NXF1: variants seen among roughly 807,000 people sequenced by gnomAD.
NXF1 encodes nuclear RNA export factor 1.
In NXF1, 43 loss-of-function variants were observed where a neutral mutation model predicts 92.4. The ratio of observed to expected loss-of-function variants is 0.47; its 90% CI spans 0.36 to 0.60. NXF1 has a LOEUF of 0.60. Among genes scored for constraint, NXF1 ranks in the 20% least tolerant of loss-of-function variants. The pLI is 0.00. For missense variants in NXF1, 576 were observed against 793.0 expected (o/e 0.73, Z 3.29); for synonymous variants, 288 against 292.2 (o/e 0.99, Z 0.15).
intron 10 of NXF1, 84 bp downstream of exon 10, chr11:62,800,293 C>T: frequency 1.3e-6 from 2 of 1,597,044 alleles, no homozygotes; most frequent in Admixed American, 3.5e-5. Flanking sequence ...CACATCTCCG[C>T]AGACGGGCCC....
chr11:62,799,125 G>T, intron 10 of NXF1: 1 of 982,630 alleles, frequency 1.0e-6, no homozygotes, highest in South Asian at 4.7e-5. Flanking sequence ...CAGGGGCAAG[G>T]GAGAGATGGG....
Position 62,802,198 on chromosome 11 carries a change from A to G in NXF1, c.432T>C (p.Ser144=). ...TTACCTCAATAGGGGTGAAGGGCAC[A>G]CTGCACTTGCTCTGAATCATGCTCA... The part of the protein sequence containing the change: ...WLLSMIQSKC[S]VPFTPIEFHY... The change falls in exon 4 of 21, where the codon AGT becomes AGC. Residue 144 remains serine, a synonymous_variant. Coordinates refer to ENST00000294172, the MANE Select transcript of NXF1 (RefSeq NM_006362.5). The G allele has an allele frequency of 1.9e-6, 3 of 1,614,200 alleles. No homozygotes were observed. The highest frequency in any genetic ancestry group is 2.5e-6 in the Non-Finnish European group (3 of 1,180,012).
rs1259557540 is a variant in NXF1 at position 62,805,334 on chromosome 11, T to C, written c.23A>G (p.Tyr8Cys). 2 of 1,611,334 alleles carry C rather than the reference T, an allele frequency of 1.2e-6. No homozygotes were observed. Among genetic ancestry groups the C allele is most frequent in the Non-Finnish European group, 1.7e-6 (2 of 1,178,844 alleles). The change falls in exon 1 of 21, where the codon TAC becomes TGC. Residue 8 changes from tyrosine (Y) to cysteine (C), a missense_variant. Physicochemically the swap from Tyr to Cys is radical, Grantham distance 194 (BLOSUM62 -2). Coordinates refer to ENST00000294172, the MANE Select transcript of NXF1 (RefSeq NM_006362.5). Reference sequence around the variant, plus strand: ...ACCCGAAGACCAGCACTTACCGCTGTACGACTTCCCCTCGTCCGCCATGCC... The same window carrying C: ...ACCCGAAGACCAGCACTTACCGCTGCACGACTTCCCCTCGTCCGCCATGCC... MADEGKSYSEHDDERVNF... is the reference protein window; with the variant it reads MADEGKSCSEHDDERVNF...
Position 62,794,984 on chromosome 11 carries a change from A to C in NXF1, c.1528T>G (p.Leu510Val), listed in dbSNP as rs2084405603. Reference protein sequence around the residue: ...KEVDGKSRDSLRAFTRTFIAV... With the variant: ...KEVDGKSRDSVRAFTRTFIAV... ...ATGAATGTCCGGGTGAAGGCTCGCA[A>C]AGAATCCCGGGACTTTCCGTCCACT... Residue 510 changes from leucine (L) to valine (V), a missense_variant, in exon 18 of 21, where the codon TTG becomes GTG. Leu to Val is a conservative substitution (Grantham distance 32). Transcript: ENST00000294172. 6.2e-7 allele frequency: 1 copy of C among 1,614,240 alleles called. No homozygotes were observed. Among genetic ancestry groups the C allele is most frequent in the East Asian group, 2.2e-5 (1 of 44,892 alleles).
In NXF1 at chr11:62,799,026, C is replaced by T. The variant is rs151071893; in HGVS notation, c.1017-451G>A. 9,680 of 998,686 alleles carry T rather than the reference C, an allele frequency of 9.7e-3. 52 individuals carry two copies. The highest frequency in any genetic ancestry group is 0.011 in the Non-Finnish European group (9,086 of 838,722). The allele number at this position is 998,686 out of a possible 1,614,324, so 61.9% of individuals were successfully genotyped here. On this transcript the variant is annotated intron_variant, in intron 10 of 20. Transcript: ENST00000294172. ...ACAGGGATGGCACAGGATGTTGGGG[C>T]AGGGAGATGAGCAGGTGGGGCTCAG...
At chr11:62,798,200 G>A (rs1008102017) in intron 11 of NXF1, among the ~76,000 whole-genome samples, 6 of 151,724 alleles carry the variant, frequency 4.0e-5, no homozygotes, top group African/African-American at 1.5e-4. Flanking sequence ...GGCCGAGGTA[G>A]GTGGATCACC....
rs3881262 is a variant in NXF1, at chr11:62,799,936, G to A, written c.1016+441C>T. 72 of 995,794 alleles carry A rather than the reference G, an allele frequency of 7.2e-5. 2 individuals are homozygous for A. The East Asian group carries it at 1.4e-3, about 20-fold the overall frequency. The allele number at this position is 995,794 out of a possible 1,614,324, so 61.7% of individuals were successfully genotyped here. A position where few individuals can be genotyped will look rare whatever the true frequency, so the allele number is the denominator to read the frequency against. On this transcript the variant is annotated intron_variant, in intron 10 of 20. Transcript: ENST00000294172. ...CGCAAGGGCAAGAGGGGCCATCACAGTACAAAGGAGGGAAGGCCCATCTCA... is the reference window on the plus strand; with the variant it reads ...CGCAAGGGCAAGAGGGGCCATCACAATACAAAGGAGGGAAGGCCCATCTCA...
At chr11:62,795,170 T>C (rs1295981600) in intron 17 of NXF1, 163 bp from the exon 18 acceptor site, 1 of 627,292 alleles carries the variant, frequency 1.6e-6, no homozygotes, top group Non-Finnish European at 2.8e-6. Context: ...AAGGGTCAGG[T>C]CAGAAAGGAC....
chr11:62,796,023 C>T (rs375341465), intron 16 of NXF1, 43 bp downstream of exon 16: 470 of 1,610,436 alleles, frequency 2.9e-4, no homozygotes, highest in Non-Finnish European at 3.8e-4. Context: ...ATGCCACCCC[C>T]ACCCCAATTC....
intron 9 of NXF1, 137 bp downstream of exon 9, chr11:62,800,957 C>T: frequency 1.4e-6 from 1 of 690,370 alleles, no homozygotes; most frequent in East Asian, 2.7e-5. Context: ...GCCTTGGCCT[C>T]CCAAAGTGTT....
rs139794879 is a variant in NXF1, at chr11:62,803,841, C to T, written c.166G>A (p.Asp56Asn). The T allele has an allele frequency of 2.5e-3, 4,033 of 1,614,212 alleles. 13 individuals are homozygous for T. Among genetic ancestry groups the T allele is most frequent in the Non-Finnish European group, 2.4e-3 (2,818 of 1,180,022 alleles). ...GCATCACTCATTGCCACATCTCCAT[C>T]ATCTTCCTCAAGGCGGGAAGACCGA... ...GIRSSRLEED[D>N]GDVAMSDAQD... is the part of the protein sequence containing the mutation. The change falls in exon 2 of 21, where the codon GAT becomes AAT. Residue 56 changes from aspartate (D) to asparagine (N), a missense_variant. Physicochemically the swap from Asp to Asn is conservative, Grantham distance 23. Transcript: ENST00000294172.
chr11:62,796,605 G>A (rs756268968), intron 13 of NXF1, 38 bp from the exon 14 acceptor site: 1 of 1,405,972 alleles, frequency 7.1e-7, no homozygotes, highest in South Asian at 1.1e-5. Flanking sequence ...GGGCTCTGTG[G>A]TCTACAGCCA....
Position 62,792,517 on chromosome 11 carries a change from G to C in NXF1, c.1822-3C>G. Reference sequence around the variant, plus strand: ...ACTTCTGGGATCTCGCCCTTGGCCTGGAGAAAAATGAAGGTCAGTAGAGGT... The same window carrying C: ...ACTTCTGGGATCTCGCCCTTGGCCTCGAGAAAAATGAAGGTCAGTAGAGGT... On this transcript the variant is annotated splice_region_variant and splice_polypyrimidine_tract_variant and intron_variant, in intron 20 of 20. Transcript: ENST00000294172. 1.9e-6 allele frequency: 3 copies of C among 1,614,182 alleles called. No individual in the cohort carries two copies. The Admixed American group carries it at 5.0e-5, about 27-fold the overall frequency.
intron 7 of NXF1, 27 bp downstream of exon 7, chr11:62,801,535 T>G: frequency 6.2e-7 from 1 of 1,612,932 alleles, no homozygotes; most frequent in Non-Finnish European, 8.5e-7. Flanking sequence ...TCACCACCTA[T>G]CTGAGAACTA....
chr11:62,798,866 C>G (rs1290372252), intron 10 of NXF1: 21 of 1,229,220 alleles, frequency 1.7e-5, no homozygotes, highest in Admixed American at 4.1e-5. Flanking sequence ...CCCCTCCCTG[C>G]CCCCCTTACC....
intron 17 of NXF1, among the ~76,000 whole-genome samples, 153 bp downstream of exon 17, chr11:62,795,748 G>A (rs1257644260): frequency 6.6e-6 from 1 of 152,170 alleles, no homozygotes; most frequent in East Asian, 1.9e-4. Context: ...CAGGTGGAGA[G>A]GTAGGCCAAG....
At chr11:62,801,919 C>G in intron 5 of NXF1, 23 bp downstream of exon 5, 1 of 1,612,416 alleles carries the variant, frequency 6.2e-7, no homozygotes, top group African/African-American at 1.3e-5. Context: ...CACCTCCAGC[C>G]AAGCCAGGCC....
rs151183155 is a variant in NXF1 at position 62,792,434 on chromosome 11, G to T, written c.*42C>A. ...ACGACAACCAGACGGTAATATCCAA[G>T]GACTATTTACAGGGGGGACTGCTTC... On this transcript the variant is annotated 3_prime_UTR_variant, in exon 21 of 21. Transcript: ENST00000294172. 4.3e-4 allele frequency: 688 copies of T among 1,611,072 alleles called. 6 individuals are homozygous for T. The Middle Eastern group carries it at 0.011, about 25-fold the overall frequency.
intron 18 of NXF1, 38 bp from the exon 19 acceptor site, chr11:62,794,478 T>A: frequency 6.4e-7 from 1 of 1,554,406 alleles, no homozygotes; most frequent in Non-Finnish European, 8.9e-7. Context: ...TAGACAGAGA[T>A]AACATCATCC....
Sources: allele counts gnomAD v4.1 joint callset (sites outside exome capture counted in the v4.1 genomes callset), GRCh38; gene constraint gnomAD v4.1.1; transcripts MANE v1.5; gene names NCBI Gene and HGNC (gene_info 2026-07-23, HGNC 2026-07-21).